EML1: variants seen among roughly 807,000 people sequenced by gnomAD.
EML1 encodes echinoderm microtubule-associated protein-like 1.
Under a neutral mutation model 110.4 loss-of-function variants are expected in EML1, and 27 were observed. That is an observed-to-expected ratio of 0.24 (90% CI 0.18 to 0.34). The LOEUF (loss-of-function observed/expected upper bound fraction) is 0.34. Ranked by LOEUF, EML1 falls within the 10% of genes least tolerant of loss-of-function variation. EML1 has a pLI of 1.00. For missense variants in EML1, 741 were observed against 1,030.9 expected (o/e 0.72, Z 3.85); for synonymous variants, 344 against 385.8 (o/e 0.89, Z 1.27).
chr14:99,923,064 C>T (rs2060158098), intron 17 of EML1, among the ~76,000 whole-genome samples: 1 of 152,136 alleles, frequency 6.6e-6, no homozygotes, highest in Non-Finnish European at 1.5e-5. Flanking sequence ...ACCTCAGCCT[C>T]CCAAGTAGCT....
chr14:99,816,583 A>G (rs191627097), intron 1 of EML1, among the ~76,000 whole-genome samples: 83 of 152,346 alleles, frequency 5.4e-4, no homozygotes, highest in Non-Finnish European at 1.0e-3. Context: ...GCCTGGTGAC[A>G]GTGGGATTCC....
intron 1 of EML1, among the ~76,000 whole-genome samples, chr14:99,830,561 G>GT (rs1479788200): frequency 6.7e-6 from 1 of 148,492 alleles, no homozygotes; most frequent in Non-Finnish European, 1.5e-5. Context: ...TGTTTTTTTT[G>GT]TTTTTTGAGA....
intron 4 of EML1, among the ~76,000 whole-genome samples, chr14:99,889,814 G>T (rs2059555854): frequency 6.6e-6 from 1 of 152,206 alleles, no homozygotes; most frequent in South Asian, 2.1e-4. Context: ...AGGTTCAAAG[G>T]CTGTGCCATG....
chr14:99,914,359 C>A, intron 14 of EML1, 55 bp downstream of exon 14: 3 of 1,583,302 alleles, frequency 1.9e-6, no homozygotes, highest in East Asian at 2.3e-5. Flanking sequence ...TTATATCAGA[C>A]CCTAATCAAG....
chr14:99,836,525 A>G (rs938510000), intron 1 of EML1, among the ~76,000 whole-genome samples: 2 of 152,170 alleles, frequency 1.3e-5, no homozygotes, highest in Non-Finnish European at 2.9e-5. Context: ...TTTTTGCACT[A>G]GCTAGGACTT....
Position 99,784,047 on chromosome 14 carries a change from A to G in EML1, c.-27+10034A>G, listed in dbSNP as rs2057573055. On this transcript the variant is annotated intron_variant, in intron 1 of 22. Coordinates refer to the EML1 transcript ENST00000327921. This position sits in a 1 kb window ranked among gnomAD's most constrained non-coding sequence, Gnocchi z 4.5. ...GTGCCCGCACTATTGCATGAATTAG[A>G]GACAATCACAACATCAAGTTTCCTA... 6.6e-6 allele frequency among the ~76,000 whole-genome samples: 1 copy of G among 152,184 alleles called. No homozygotes were observed.
intron 2 of EML1, among the ~76,000 whole-genome samples, chr14:99,863,217 C>T (rs781487941): frequency 2.6e-4 from 40 of 152,222 alleles, no homozygotes; most frequent in African/African-American, 4.3e-4. Flanking sequence ...AGTGCTGATG[C>T]GCAGTTCCTG....
chr14:99,891,135 T>C (rs1184819449), intron 4 of EML1, 64 bp from the exon 5 acceptor site: 1 of 1,607,732 alleles, frequency 6.2e-7, no homozygotes, highest in Non-Finnish European at 8.5e-7. Context: ...CTTTGGGGTC[T>C]GAAGTGAATG....
chr14:99,892,404 G>A (rs2059602879), intron 5 of EML1, among the ~76,000 whole-genome samples: 2 of 152,310 alleles, frequency 1.3e-5, no homozygotes, highest in East Asian at 3.9e-4. Context: ...ATCCCAATTG[G>A]TATTGGCTGA....
chr14:99,834,748 A>G (rs983794266), intron 1 of EML1, among the ~76,000 whole-genome samples: 1 of 152,176 alleles, frequency 6.6e-6, no homozygotes, highest in Non-Finnish European at 1.5e-5. Flanking sequence ...GTGAATTAAC[A>G]TTATTTTTTC....
At chr14:99,852,504 A>G (rs1467242644) in intron 2 of EML1, among the ~76,000 whole-genome samples, 1 of 152,146 alleles carries the variant, frequency 6.6e-6, no homozygotes, top group Non-Finnish European at 1.5e-5. Context: ...GGTCCCAGCT[A>G]CTCAGGAGGC....
intron 17 of EML1, among the ~76,000 whole-genome samples, chr14:99,929,051 G>A (rs145362550): frequency 5.4e-4 from 83 of 152,316 alleles, no homozygotes; most frequent in African/African-American, 1.9e-3. Flanking sequence ...TCTGATACCT[G>A]TCAGCGCCTG....
At position 99,821,814 on chromosome 14, in the gene EML1, A is replaced by G. The variant is rs368897240; in HGVS notation, c.67+28271A>G. Among the ~76,000 whole-genome samples, 29 of 152,386 alleles carry G rather than the reference A, an allele frequency of 1.9e-4. 2 individuals are homozygous for G. The highest frequency in any genetic ancestry group is 6.0e-4 in the African/African-American group (25 of 41,596). On this transcript the variant is annotated intron_variant, in intron 1 of 21. Coordinates refer to ENST00000262233, the MANE Select transcript of EML1 (RefSeq NM_004434.3). ...CTAAAAATCATTGAGATTAGGATCT[A>G]CAGATACATTTCTACGTGCTAATAT...
chr14:99,857,392 T>C (rs1256082118), intron 2 of EML1, among the ~76,000 whole-genome samples: 1 of 152,206 alleles, frequency 6.6e-6, no homozygotes, highest in Non-Finnish European at 1.5e-5. Flanking sequence ...ATTTCCCTAA[T>C]TGTCCAATGA....
chr14:99,890,779 T>C (rs891434055), intron 4 of EML1, among the ~76,000 whole-genome samples: 4 of 152,184 alleles, frequency 2.6e-5, no homozygotes, highest in African/African-American at 9.7e-5. Context: ...GGAGGTGAGC[T>C]CTAAAAGGCC....
At chr14:99,918,129 G>C (rs2060065956) in intron 16 of EML1, among the ~76,000 whole-genome samples, 1 of 152,106 alleles carries the variant, frequency 6.6e-6, no homozygotes, top group Non-Finnish European at 1.5e-5. Context: ...TTTTGAGACA[G>C]GTCTCTCCTT....
chr14:99,885,802 C>T (rs1306284641), intron 4 of EML1: 26 of 434,014 alleles, frequency 6.0e-5, no homozygotes, highest in Admixed American at 2.1e-4. Flanking sequence ...ACATGTTGGA[C>T]GCATTGTAAC....
chr14:99,937,861 A>G lies in EML1; in HGVS notation c.2140A>G (p.Arg714Gly). Residue 714 changes from arginine (R) to glycine (G), a missense_variant, in exon 20 of 22, where the codon AGA becomes GGA. Transcript: ENST00000262233. ...CKQVVSVETTRDIEWATYTCT... is the reference protein window; with the variant it reads ...CKQVVSVETTGDIEWATYTCT... ...GCAAGTCGTAAGTGTGGAAACTACA[A>G]GAGACATTGAATGGGCTACCTATAC... 3.7e-6 allele frequency: 6 copies of G among 1,614,196 alleles called. No homozygotes were observed. The highest frequency in any genetic ancestry group is 5.1e-6 in the Non-Finnish European group (6 of 1,180,000).
intron 15 of EML1, among the ~76,000 whole-genome samples, chr14:99,916,319 G>A (rs1241423985): frequency 2.0e-5 from 3 of 152,206 alleles, no homozygotes; most frequent in African/African-American, 7.2e-5. Flanking sequence ...AAGTGAACAC[G>A]ATTTCTGTTT....
Sources: allele counts gnomAD v4.1 joint callset (sites outside exome capture counted in the v4.1 genomes callset), GRCh38; gene constraint gnomAD v4.1.1; non-coding constraint Gnocchi (gnomAD v3.1); transcripts MANE v1.5; gene names NCBI Gene and HGNC (gene_info 2026-07-23, HGNC 2026-07-21).